The following PIGB variants were observed in gnomAD, a reference collection of about 807,000 sequenced individuals.
The protein encoded by PIGB is phosphatidylinositol glycan anchor biosynthesis class B.
In PIGB, 58 loss-of-function variants were observed where a neutral mutation model predicts 68.4. The ratio of observed to expected loss-of-function variants is 0.85; its 90% CI spans 0.69 to 1.06. PIGB has a LOEUF of 1.06. PIGB is among the 50% of genes least tolerant of loss of function. The probability of loss-of-function intolerance (pLI) is 0.00; values close to 1 mark genes in which losing one functional copy is unlikely to be tolerated. For synonymous variants in PIGB, 219 were observed against 220.5 expected (o/e 0.99, Z 0.06); for missense variants, 634 against 655.8 (o/e 0.97, Z 0.36).
chr15:55,333,755 A>C lies in PIGB; in HGVS notation c.654-112A>C, dbSNP rs188753401. On this transcript the variant is annotated intron_variant, in intron 5 of 11. Transcript: ENST00000164305. Reference sequence around the variant, plus strand: ...TCAAACAAAACAAAACAAAACAAAAAAAAGTTCATATAGCTATTTATACCA... The same window carrying C: ...TCAAACAAAACAAAACAAAACAAAACAAAGTTCATATAGCTATTTATACCA... The C allele has an allele frequency of 1.0e-3, 717 of 700,052 alleles. 4 individuals carry two copies. Among genetic ancestry groups the C allele is most frequent in the Non-Finnish European group, 1.2e-3 (550 of 459,710 alleles). 43.4% of individuals were successfully genotyped at this position (700,052 alleles called of 1,614,324 possible).
At chr15:55,327,950 G>C (rs144902779) in intron 4 of PIGB, among the ~76,000 whole-genome samples, 1 of 152,142 alleles carries the variant, frequency 6.6e-6, no homozygotes, top group African/African-American at 2.4e-5. Flanking sequence ...AGTAGGGATC[G>C]TTCTAAATTA....
chr15:55,320,151 G>C, intron 1 of PIGB, 124 bp from the exon 2 acceptor site: 1 of 761,426 alleles, frequency 1.3e-6, no homozygotes, highest in Non-Finnish European at 2.0e-6. Context: ...TAAGAATGGT[G>C]TGGAGGGACC....
intron 3 of PIGB, among the ~76,000 whole-genome samples, chr15:55,322,065 T>C (rs1386729131): frequency 1.3e-5 from 2 of 151,824 alleles, no homozygotes; most frequent in African/African-American, 2.4e-5. Flanking sequence ...TCTCAGACTT[T>C]CTGGAGGCTG....
At chr15:55,329,411 T>C (rs2055363606) in intron 4 of PIGB, among the ~76,000 whole-genome samples, 1 of 152,218 alleles carries the variant, frequency 6.6e-6, no homozygotes, top group African/African-American at 2.4e-5. Context: ...CTGTAAACTC[T>C]ACCATCAAAG....
intron 11 of PIGB, 29 bp downstream of exon 11, chr15:55,355,007 C>T: frequency 6.4e-7 from 1 of 1,566,706 alleles, no homozygotes; most frequent in Non-Finnish European, 8.7e-7. Flanking sequence ...GAGGAAAACT[C>T]AGTATTTTAA....
In PIGB at chr15:55,333,910, C is replaced by T; in HGVS notation, c.697C>T (p.Pro233Ser). 1 of 1,608,278 alleles carries T rather than the reference C, an allele frequency of 6.2e-7. No individual in the cohort carries two copies. The highest frequency in any genetic ancestry group is 1.1e-5 in the South Asian group (1 of 90,094). ...GGTGGCACTTGCCTTCATAATTCGT[C>T]CCACAGCTGTCATTCTGTGGACACC... is the stretch of plus-strand genomic sequence containing the variant. ...SLVALAFIIR[P>S]TAVILWTPLL... The change falls in exon 6 of 12, where the codon CCC becomes TCC. Residue 233 changes from proline to serine, a missense_variant. By Grantham distance (74) the Pro-to-Ser change is moderately conservative. Coordinates refer to ENST00000164305, the MANE Select transcript of PIGB (RefSeq NM_004855.5).
intron 4 of PIGB, 52 bp downstream of exon 4, chr15:55,327,687 G>A (rs1343584380): frequency 1.4e-5 from 14 of 1,028,352 alleles, no homozygotes; most frequent in Non-Finnish European, 1.9e-5. Flanking sequence ...GTTCCTATGG[G>A]TATAAAGCAC....
chr15:55,331,207 A>C (rs539026998), intron 5 of PIGB, among the ~76,000 whole-genome samples: 1 of 152,208 alleles, frequency 6.6e-6, no homozygotes, highest in South Asian at 2.1e-4. Context: ...GGTCCATTAA[A>C]TCTCATTGTC....
intron 5 of PIGB, among the ~76,000 whole-genome samples, chr15:55,330,568 T>C (rs1202689776): frequency 6.6e-6 from 1 of 152,164 alleles, no homozygotes; most frequent in African/African-American, 2.4e-5. Flanking sequence ...AGAGTAGTTA[T>C]AGAGTGTTGT....
At chr15:55,351,152 G>A (rs2141219544) in intron 10 of PIGB, among the ~76,000 whole-genome samples, 1 of 142,978 alleles carries the variant, frequency 7.0e-6, no homozygotes, top group African/African-American at 2.7e-5. Context: ...CTATTGCCCA[G>A]GCTGGAGTGC....
chr15:55,329,613 C>A, intron 4 of PIGB, 111 bp from the exon 5 acceptor site: 1 of 870,068 alleles, frequency 1.1e-6, no homozygotes, highest in Non-Finnish European at 1.7e-6. Context: ...CATCATCTAC[C>A]TTTTGATGTC....
intron 9 of PIGB, among the ~76,000 whole-genome samples, chr15:55,349,206 G>A (rs987568272): frequency 2.7e-5 from 4 of 147,924 alleles, no homozygotes; most frequent in African/African-American, 1.0e-4. Context: ...TTTTATTTTC[G>A]TAGAGACAGG....
intron 1 of PIGB, 79 bp from the exon 2 acceptor site, chr15:55,320,196 A>G: frequency 7.1e-7 from 1 of 1,403,340 alleles, no homozygotes; most frequent in Non-Finnish European, 9.8e-7. Context: ...GGAGCCAACC[A>G]GAGCAGCAGA....
chr15:55,322,193 G>T (rs189467918), intron 3 of PIGB, among the ~76,000 whole-genome samples: 8 of 152,016 alleles, frequency 5.3e-5, no homozygotes, highest in Admixed American at 4.6e-4. Context: ...CGCAAAAAAA[G>T]TATCACTTGA....
chr15:55,327,172 T>C lies in PIGB; in HGVS notation c.418-359T>C, dbSNP rs151115053. ...TGTGTGTGTATATATGTCATATATA[T>C]GCACACATACAGAGAATGAGACTGG... On this transcript the variant is annotated intron_variant, in intron 3 of 11. Transcript: ENST00000164305. Among the ~76,000 whole-genome samples the C allele has an allele frequency of 1.4e-3, 207 of 148,444 alleles. 3 individuals carry two copies. The highest frequency in any genetic ancestry group is 4.8e-3 in the African/African-American group (197 of 40,896).
intron 5 of PIGB, 40 bp downstream of exon 5, chr15:55,329,894 A>G: frequency 6.9e-7 from 1 of 1,450,838 alleles, no homozygotes; most frequent in Non-Finnish European, 9.5e-7. Context: ...TCAAAATTCT[A>G]CTTTTGAAAA....
intron 4 of PIGB, among the ~76,000 whole-genome samples, chr15:55,328,093 T>C (rs2055333046): frequency 6.6e-6 from 1 of 152,222 alleles, no homozygotes; most frequent in South Asian, 2.1e-4. Context: ...GTTGGAAGTA[T>C]TAGGTTGGTG....
intron 6 of PIGB, among the ~76,000 whole-genome samples, chr15:55,336,962 C>T (rs528554756): frequency 6.6e-6 from 1 of 152,322 alleles, no homozygotes; most frequent in Non-Finnish European, 1.5e-5. Flanking sequence ...TGCACTCCAG[C>T]CTGGGCAACA....
intron 1 of PIGB, chr15:55,319,627 C>A: frequency 4.4e-6 from 2 of 450,828 alleles, no homozygotes; most frequent in South Asian, 3.2e-5. Context: ...CTGTATTTGG[C>A]CGACAGGCTG....
Sources: allele counts gnomAD v4.1 joint callset (sites outside exome capture counted in the v4.1 genomes callset), GRCh38; gene constraint gnomAD v4.1.1; transcripts MANE v1.5; gene names NCBI Gene and HGNC (gene_info 2026-07-23, HGNC 2026-07-21).